Variants in TTLL4 observed in about 807,000 individuals in gnomAD.
The protein encoded by TTLL4 is tubulin tyrosine ligase like 4, also known as tubulin monoglutamylase TTLL4.
In TTLL4, 85 loss-of-function variants were observed where a neutral mutation model predicts 122.7. That is an observed-to-expected ratio of 0.69 (90% CI 0.58 to 0.83). The LOEUF (loss-of-function observed/expected upper bound fraction) is 0.83, where lower values mean the gene tolerates loss of function less well. Ranked by LOEUF, TTLL4 falls within the 40% of genes least tolerant of loss-of-function variation. The probability of loss-of-function intolerance (pLI) is 0.00; values close to 1 mark genes in which losing one functional copy is unlikely to be tolerated. For synonymous variants in TTLL4, 553 were observed against 563.0 expected (o/e 0.98, Z 0.25); for missense variants, 1,363 against 1,488.6 (o/e 0.92, Z 1.39).
intron 7 of TTLL4, 74 bp from the exon 8 acceptor site, chr2:218,746,081 C>G: frequency 6.4e-7 from 1 of 1,559,996 alleles, no homozygotes; most frequent in Non-Finnish European, 8.8e-7. Context: ...CTGCCCAGTT[C>G]TGGGGCCTCT....
chr2:218,758,969 C>T (rs1462508017), downstream of TTLL4, among the ~76,000 whole-genome samples: 2 of 152,206 alleles, frequency 1.3e-5, no homozygotes, highest in African/African-American at 4.8e-5. Context: ...GAGGGCCGGG[C>T]GTGGTGGCTC....
At chr2:218,750,421 A>G (rs917098414) in intron 15 of TTLL4, among the ~76,000 whole-genome samples, 1 of 152,148 alleles carries the variant, frequency 6.6e-6, no homozygotes, top group African/African-American at 2.4e-5. Context: ...TACTTGGGAG[A>G]CTGAAGCAGG....
chr2:218,734,238 A>G (rs1942455835), intron 2 of TTLL4, among the ~76,000 whole-genome samples: 1 of 152,164 alleles, frequency 6.6e-6, no homozygotes, highest in Non-Finnish European at 1.5e-5. Flanking sequence ...ATTAAATGAG[A>G]TAATATGGAT....
At chr2:218,754,073 T>C in intron 19 of TTLL4, 61 bp from the exon 20 acceptor site, 1 of 1,601,682 alleles carries the variant, frequency 6.2e-7, no homozygotes, top group South Asian at 1.1e-5. Flanking sequence ...AGGCAAATCC[T>C]AAGGTAAAGT....
Position 218,740,504 on chromosome 2 carries a change from G to A in TTLL4, c.1598-17G>A. The A allele has an allele frequency of 1.7e-5, 28 of 1,614,056 alleles. No individual in the cohort carries two copies. The highest frequency in any genetic ancestry group is 2.4e-5 in the Non-Finnish European group (28 of 1,179,934). On this transcript the variant is annotated splice_polypyrimidine_tract_variant and intron_variant, in intron 4 of 19. Transcript: ENST00000392102. ...AGCCTCTTCTAGTCAGAATTTCTCT[G>A]TTCTTCCTTCCTCTAGGAGACTCAG...
intron 15 of TTLL4, 90 bp from the exon 16 acceptor site, chr2:218,751,614 G>C: frequency 6.7e-7 from 1 of 1,498,836 alleles, no homozygotes; most frequent in Non-Finnish European, 8.9e-7. Flanking sequence ...TCTCAAGAAG[G>C]GTGTCTGCTG....
chr2:218,735,871 A>G lies in TTLL4; in HGVS notation c.-98-1708A>G, dbSNP rs182390140. Among the ~76,000 whole-genome samples, 153 of 150,608 alleles carry G rather than the reference A, an allele frequency of 1.0e-3. 1 individual carries two copies. The highest frequency in any genetic ancestry group is 3.5e-3 in the African/African-American group (144 of 40,992). ...TATTTTTAGTAGAGAGCGTTTCACC[A>G]TGCTGGCCAGGCTGGTCTTGAACTC... On this transcript the variant is annotated intron_variant, in intron 2 of 19. Coordinates refer to ENST00000392102, the MANE Select transcript of TTLL4 (RefSeq NM_014640.5).
In TTLL4 at chr2:218,738,789, T is replaced by C. The variant is rs1207847181; in HGVS notation, c.1113T>C (p.Asn371=). The C allele has an allele frequency of 6.2e-7, 1 of 1,614,198 alleles. No homozygotes were observed. Among genetic ancestry groups the C allele is most frequent in the Non-Finnish European group, 8.5e-7 (1 of 1,180,036 alleles). The change falls in exon 3 of 20, where the codon AAT becomes AAC. Residue 371 remains asparagine (N), a synonymous_variant. Coordinates refer to ENST00000392102, the MANE Select transcript of TTLL4 (RefSeq NM_014640.5). ...SSFLNPSFQW[N]VLNRSRRWKP... is the part of the protein sequence containing the mutation. ...TCCTGAACCCCAGCTTCCAGTGGAA[T>C]GTCCTCAACAGGAGCAGGCGGTGGA...
intron 16 of TTLL4, 127 bp from the exon 17 acceptor site, chr2:218,752,636 G>A (rs531669791): frequency 3.0e-4 from 285 of 940,460 alleles, no homozygotes; most frequent in Non-Finnish European, 2.7e-4. Flanking sequence ...GCTGCCCTCA[G>A]TAGTTCCATG....
chr2:218,720,872 C>T (rs914664850), intron 1 of TTLL4, among the ~76,000 whole-genome samples: 2 of 152,092 alleles, frequency 1.3e-5, no homozygotes, highest in Non-Finnish European at 2.9e-5. Context: ...AGGGTTGGAA[C>T]TTTCAGTTCC....
In TTLL4 at chr2:218,750,144, C is replaced by G. The variant is rs766420837; in HGVS notation, c.2871C>G (p.Thr957=). ...SSPSSCSSST[T]SLPTSPGDKC... ...CCAGCAGCTGCAGCAGCTCCACCAC[C>G]AGGTGAGGCCCCTATTTCTTCACAG... Residue 957 remains threonine (T), a splice_region_variant and synonymous_variant, in exon 15 of 20, where the codon ACC becomes ACG. Transcript: ENST00000392102. 2 of 1,613,426 alleles carry G rather than the reference C, an allele frequency of 1.2e-6. No individual in the cohort carries two copies. Among genetic ancestry groups the G allele is most frequent in the Non-Finnish European group, 1.7e-6 (2 of 1,179,766 alleles).
At chr2:218,751,904 C>CTTTTTTTTTTTTTTTTTTTTTTTTTTT (rs879049551) in intron 16 of TTLL4, 98 bp downstream of exon 16, 7 of 518,712 alleles carry the variant, frequency 1.3e-5, no homozygotes, top group Non-Finnish European at 1.7e-5. Flanking sequence ...TTTTTCTTTT[C>CTTTTTTTTTTTTTTTTTTTTTTTTTTT]TTTTTCTTTT....
At chr2:218,715,432 C>T (rs940059957) in intron 1 of TTLL4, among the ~76,000 whole-genome samples, 4 of 152,136 alleles carry the variant, frequency 2.6e-5, no homozygotes, top group Non-Finnish European at 5.9e-5. Context: ...TTGACTGGGT[C>T]TTAGATCCAT....
rs528566419 is a variant in TTLL4, at chr2:218,737,561, C to A, written c.-98-18C>A. 8.2e-7 allele frequency: 1 copy of A among 1,224,120 alleles called. No individual in the cohort carries two copies. Among genetic ancestry groups the A allele is most frequent in the South Asian group, 1.5e-5 (1 of 67,024 alleles). 75.8% of individuals were successfully genotyped at this position (1,224,120 alleles called of 1,614,324 possible). On this transcript the variant is annotated intron_variant, in intron 2 of 19. Transcript: ENST00000392102. ...CTCCTGGCACTGTAACATTTCCTAT[C>A]ATTTCTCTCCACTTCAGACTGACAG...
chr2:218,748,392 C>G, intron 12 of TTLL4, 165 bp downstream of exon 12: 3 of 1,142,344 alleles, frequency 2.6e-6, no homozygotes, highest in Non-Finnish European at 3.6e-6. Context: ...TGGTGGCTCA[C>G]GCCTGTAATC....
chr2:218,739,032 A>G lies in TTLL4; in HGVS notation c.1356A>G (p.Pro452=), dbSNP rs1289389206. The G allele has an allele frequency of 6.2e-7, 1 of 1,614,186 alleles. No individual in the cohort carries two copies. The highest frequency in any genetic ancestry group is 1.1e-5 in the South Asian group (1 of 91,090). ...DSSAFGEGKA[P]GPPFPQTLGI... is the part of the protein sequence containing the mutation. Reference sequence around the variant, plus strand: ...CAGCATTTGGAGAAGGCAAAGCTCCAGGTCCCCCTTTTCCTCAAACTCTTG... The same window carrying G: ...CAGCATTTGGAGAAGGCAAAGCTCCGGGTCCCCCTTTTCCTCAAACTCTTG... The change falls in exon 3 of 20, where the codon CCA becomes CCG. Residue 452 remains proline (P), a synonymous_variant. Transcript: ENST00000392102.
At chr2:218,745,662 CATCCCCA>C in intron 6 of TTLL4, 22 bp from the exon 7 acceptor site, 1 of 1,453,094 alleles carries the variant, frequency 6.9e-7, no homozygotes, top group Non-Finnish European at 9.5e-7. Flanking sequence ...CTCCATCCCC[CATCCCCA>C]CACCCCTTGC....
intron 5 of TTLL4, among the ~76,000 whole-genome samples, chr2:218,742,347 A>AT (rs1181403098): frequency 6.6e-6 from 1 of 152,134 alleles, no homozygotes; most frequent in Non-Finnish European, 1.5e-5. Flanking sequence ...CTAAAATCTT[A>AT]TTTTTTCTCT....
Position 218,747,771 on chromosome 2 carries a change from A to G in TTLL4, c.2378+46A>G. On this transcript the variant is annotated intron_variant, in intron 11 of 19. Coordinates refer to ENST00000392102, the MANE Select transcript of TTLL4 (RefSeq NM_014640.5). The surrounding 1 kb of genome is among the most constrained non-coding windows in gnomAD (Gnocchi z 4.7). Reference sequence around the variant, plus strand: ...ATCCTCTGACAATATTGGGGATTTTATTTTCCTTGGAGGGAGGGAAACTAG... The same window carrying G: ...ATCCTCTGACAATATTGGGGATTTTGTTTTCCTTGGAGGGAGGGAAACTAG... 1 of 1,608,542 alleles carries G rather than the reference A, an allele frequency of 6.2e-7. No homozygotes were observed.
Sources: allele counts gnomAD v4.1 joint callset (sites outside exome capture counted in the v4.1 genomes callset), GRCh38; gene constraint gnomAD v4.1.1; non-coding constraint Gnocchi (gnomAD v3.1); transcripts MANE v1.5; gene names NCBI Gene and HGNC (gene_info 2026-07-23, HGNC 2026-07-21).